The following CKAP5 variants were observed in gnomAD, a reference collection of about 807,000 sequenced individuals.
CKAP5 encodes the protein cytoskeleton associated protein 5.
Under a neutral mutation model 232.8 loss-of-function variants are expected in CKAP5, and 27 were observed. That is an observed-to-expected ratio of 0.12 (90% CI 0.09 to 0.16). The LOEUF is 0.16. Among genes scored for constraint, CKAP5 ranks in the 10% least tolerant of loss-of-function variants. The pLI, the probability that CKAP5 is intolerant of heterozygous loss-of-function variation, is 1.00. For synonymous variants in CKAP5, 785 were observed against 841.1 expected (o/e 0.93, Z 1.16); for missense variants, 1,838 against 2,424.7 (o/e 0.76, Z 5.08).
chr11:46,822,355 G>A (rs1420526187), intron 1 of CKAP5, among the ~76,000 whole-genome samples: 1 of 152,118 alleles, frequency 6.6e-6, no homozygotes, highest in African/African-American at 2.4e-5. Flanking sequence ...GATATAAAAC[G>A]AAGCTGGAAT....
chr11:46,758,563 A>G (rs1030725326), intron 35 of CKAP5, among the ~76,000 whole-genome samples: 1 of 152,106 alleles, frequency 6.6e-6, no homozygotes, highest in African/African-American at 2.4e-5. Flanking sequence ...AGGTGCAGTG[A>G]TGCAAGCCTG....
Position 46,743,833 on chromosome 11 carries a change from C to T in CKAP5, c.*190G>A, listed in dbSNP as rs890939969. 6 of 671,250 alleles carry T rather than the reference C, an allele frequency of 8.9e-6. No homozygotes were observed. Among genetic ancestry groups the T allele is most frequent in the Non-Finnish European group, 1.5e-5 (6 of 402,432 alleles). The allele number at this position is 671,250 out of a possible 1,614,324, so 41.6% of individuals were successfully genotyped here. On this transcript the variant is annotated 3_prime_UTR_variant, in exon 44 of 44. Transcript: ENST00000529230. ...CTCATCCACGGACAGTCTTCTAGAG[C>T]AGCAGGACGCTGACAGAGAGAAGCA...
intron 36 of CKAP5, 48 bp from the exon 37 acceptor site, chr11:46,753,545 A>C: frequency 7.3e-7 from 1 of 1,369,170 alleles, no homozygotes; most frequent in Middle Eastern, 2.1e-4. Flanking sequence ...CAATATAGAG[A>C]GTAAAGAAAT....
chr11:46,752,543 T>G, intron 38 of CKAP5, 92 bp downstream of exon 38: 1 of 911,188 alleles, frequency 1.1e-6, no homozygotes, highest in African/African-American at 1.7e-5. Flanking sequence ...TTTGAGCCTA[T>G]GTCTTTCTTA....
chr11:46,761,107 G>A (rs1249194241), intron 32 of CKAP5, among the ~76,000 whole-genome samples: 1 of 151,936 alleles, frequency 6.6e-6, no homozygotes, highest in African/African-American at 2.4e-5. Flanking sequence ...AAATAAGCTG[G>A]GTGTGGTGGC....
intron 18 of CKAP5, among the ~76,000 whole-genome samples, chr11:46,780,847 C>T (rs995942808): frequency 3.3e-5 from 5 of 152,152 alleles, no homozygotes; most frequent in African/African-American, 4.8e-5. Flanking sequence ...TGGTCTCGCA[C>T]TCCTTACCTC....
intron 1 of CKAP5, among the ~76,000 whole-genome samples, chr11:46,845,913 G>A (rs1940178448): frequency 6.6e-6 from 1 of 151,784 alleles, no homozygotes; most frequent in African/African-American, 2.4e-5. Context: ...AATCGCTGCC[G>A]CCAGGCGCGG....
chr11:46,743,893 T>TC lies in CKAP5; in HGVS notation c.*129dup, dbSNP rs893254440. The TC allele has an allele frequency of 3.5e-6, 4 of 1,128,500 alleles. No individual in the cohort carries two copies. In the African/African-American group the frequency reaches 4.6e-5, roughly 13 times the overall value. 69.9% of individuals were successfully genotyped at this position (1,128,500 alleles called of 1,614,324 possible). A position where few individuals can be genotyped will look rare whatever the true frequency, so the allele number is the denominator to read the frequency against. On this transcript the variant is annotated 3_prime_UTR_variant, in exon 44 of 44. Transcript: ENST00000529230. ...CAAATACTTGTGCCACAATGACTCC[T>TC]CCCCCTAGCTCCACGGCATGATACA...
At chr11:46,831,739 C>T (rs1400107322) in intron 1 of CKAP5, among the ~76,000 whole-genome samples, 1 of 151,918 alleles carries the variant, frequency 6.6e-6, no homozygotes, top group Non-Finnish European at 1.5e-5. Flanking sequence ...ACTATGTGGC[C>T]CAGGCTGGTC....
At chr11:46,760,357 A>G (rs1044846015) in intron 33 of CKAP5, 24 of 627,480 alleles carry the variant, frequency 3.8e-5, no homozygotes, top group South Asian at 1.7e-4. Flanking sequence ...CTTACATCCT[A>G]TAAGTGCGAT....
In CKAP5 at chr11:46,811,198, A is replaced by G. The variant is rs560233184; in HGVS notation, c.459-20T>C. Reference sequence around the variant, plus strand: ...AATTCACTACAAGTAAAAAATTGGGAAAAAACTGTCAACGTGCAATGCAAT... The same window carrying G: ...AATTCACTACAAGTAAAAAATTGGGGAAAAACTGTCAACGTGCAATGCAAT... On this transcript the variant is annotated intron_variant, in intron 4 of 43. Transcript: ENST00000529230. The G allele has an allele frequency of 3.7e-6, 6 of 1,604,534 alleles. No individual in the cohort carries two copies. Among genetic ancestry groups the G allele is most frequent in the African/African-American group, 2.7e-5 (2 of 74,708 alleles).
At position 46,808,073 on chromosome 11, in the gene CKAP5, C is replaced by T; in HGVS notation, c.936G>A (p.Leu312=). Residue 312 remains leucine (L), a synonymous_variant, in exon 8 of 44, where the codon CTG becomes CTA. Coordinates refer to ENST00000529230, the MANE Select transcript of CKAP5 (RefSeq NM_001008938.4). The part of the protein sequence containing the change: ...SVEVLIKNPK[L]EAGDYADLVK... ...CTAAATCTGCATAATCGCCAGCTTCCAGTTTGGGGTTTTTTATTAGTACTT... is the reference window on the plus strand; with the variant it reads ...CTAAATCTGCATAATCGCCAGCTTCTAGTTTGGGGTTTTTTATTAGTACTT... The T allele has an allele frequency of 6.2e-7, 1 of 1,613,950 alleles. No homozygotes were observed. Among genetic ancestry groups the T allele is most frequent in the African/African-American group, 1.3e-5 (1 of 75,024 alleles).
At chr11:46,806,767 T>G (rs1939164284) in intron 8 of CKAP5, among the ~76,000 whole-genome samples, 1 of 152,172 alleles carries the variant, frequency 6.6e-6, no homozygotes. Context: ...AATCCCCAAA[T>G]CAACACTCAT....
At chr11:46,756,995 C>T (rs2065115231) in intron 35 of CKAP5, among the ~76,000 whole-genome samples, 1 of 150,536 alleles carries the variant, frequency 6.6e-6, no homozygotes, top group African/African-American at 2.4e-5. Flanking sequence ...GAACCCCTGA[C>T]CTCAGGTGAT....
rs746945089 is a variant in CKAP5, at chr11:46,763,676, A to C, written c.3538-46T>G. 4.3e-6 allele frequency: 6 copies of C among 1,398,652 alleles called. No homozygotes were observed. In the African/African-American group the frequency reaches 7.4e-5, roughly 17 times the overall value. 86.6% of individuals were successfully genotyped at this position (1,398,652 alleles called of 1,614,324 possible). On this transcript the variant is annotated intron_variant, in intron 28 of 43. Transcript: ENST00000529230. ...AAAGGGGCTACAGGGTGTTCAACTG[A>C]AATGAGGTAGAGAGCCTTATATAAT...
intron 4 of CKAP5, among the ~76,000 whole-genome samples, chr11:46,812,574 C>G (rs553559510): frequency 6.6e-6 from 1 of 152,196 alleles, no homozygotes; most frequent in African/African-American, 2.4e-5. Flanking sequence ...CTCATGTGAG[C>G]AAATGCAACA....
intron 8 of CKAP5, among the ~76,000 whole-genome samples, 195 bp from the exon 9 acceptor site, chr11:46,801,499 G>A (rs955908760): frequency 6.6e-6 from 1 of 152,082 alleles, no homozygotes; most frequent in Non-Finnish European, 1.5e-5. Context: ...GTGAGACCCT[G>A]TCTCTACTAA....
intron 24 of CKAP5, among the ~76,000 whole-genome samples, chr11:46,775,821 G>A (rs187592970): frequency 1.4e-4 from 22 of 152,134 alleles, no homozygotes; most frequent in Non-Finnish European, 1.5e-5. Context: ...GGGGCCTGTC[G>A]GGGGTTAGCG....
rs531293716 is a variant in CKAP5, at chr11:46,805,497, T to C, written c.978+2534A>G. On this transcript the variant is annotated intron_variant, in intron 8 of 43. Transcript: ENST00000529230. ...GGAGGGAAAAAGGATTGGTCTGTAA[T>C]CTATTCTTCAATCTCATCCTCTTTT... Among the ~76,000 whole-genome samples the C allele has an allele frequency of 1.1e-4, 16 of 152,356 alleles. No homozygotes were observed. The South Asian group carries it at 3.3e-3, about 32-fold the overall frequency.
Sources: gnomAD v4.1 joint callset for allele counts (sites outside exome capture counted in the v4.1 genomes callset) on GRCh38, gnomAD v4.1.1 for gene constraint, MANE v1.5 for transcripts, NCBI Gene and HGNC (gene_info 2026-07-23, HGNC 2026-07-21) for gene names.